Variants in SLC9B2 observed in about 807,000 individuals in gnomAD.
SLC9B2 encodes solute carrier family 9 member B2, also known as sodium/hydrogen exchanger 9B2.
SLC9B2 carries 39 observed loss-of-function variants against 52.2 expected under a neutral mutation model. The ratio of observed to expected loss-of-function variants is 0.75; its 90% CI spans 0.58 to 0.98. The LOEUF (loss-of-function observed/expected upper bound fraction) is 0.98. Among genes scored for constraint, SLC9B2 ranks in the 50% least tolerant of loss-of-function variants. SLC9B2 has a pLI of 0.00. For missense variants in SLC9B2, 626 were observed against 637.5 expected, an observed-to-expected ratio of 0.98 and a Z score of 0.19; for synonymous variants, 214 against 227.0, an observed-to-expected ratio of 0.94 and a Z score of 0.51.
chr4:103,056,204 A>T lies in SLC9B2; in HGVS notation c.442+1597T>A, dbSNP rs139042560. Among the ~76,000 whole-genome samples, 11 of 152,090 alleles carry T rather than the reference A, an allele frequency of 7.2e-5. No homozygotes were observed. In the East Asian group the frequency reaches 9.7e-4, roughly 13 times the overall value. ...TTTGGGCAGTTCTCATTGCCTCTGG[A>T]AGAGTATTTTCAGCTATGTCTTTAA... On this transcript the variant is annotated intron_variant, in intron 4 of 11. Coordinates refer to ENST00000394785, the MANE Select transcript of SLC9B2 (RefSeq NM_178833.7).
chr4:103,038,048 G>A (rs561904856), intron 9 of SLC9B2, among the ~76,000 whole-genome samples: 1 of 152,108 alleles, frequency 6.6e-6, no homozygotes, highest in Admixed American at 6.5e-5. Flanking sequence ...TTTTAGTAGA[G>A]ATGAGGTTTT....
chr4:103,065,575 C>T (rs1746049298), intron 3 of SLC9B2: 1 of 151,996 alleles, frequency 6.6e-6, no homozygotes, highest in Admixed American at 6.6e-5. Flanking sequence ...CCTAATTTGC[C>T]TTTATAGATA....
chr4:103,028,031 C>G (rs1742378384), intron 11 of SLC9B2, among the ~76,000 whole-genome samples: 1 of 152,110 alleles, frequency 6.6e-6, no homozygotes, highest in Non-Finnish European at 1.5e-5. Context: ...AAAGATACAT[C>G]ACATTTGCAA....
downstream of SLC9B2, among the ~76,000 whole-genome samples, chr4:103,019,261 G>A (rs1741607545): frequency 6.6e-6 from 1 of 152,172 alleles, no homozygotes; most frequent in South Asian, 2.1e-4. Flanking sequence ...TCCACCGTTT[G>A]TAAAATAGTA....
At chr4:103,045,823 A>G (rs1174732862) in intron 7 of SLC9B2, among the ~76,000 whole-genome samples, 1 of 152,234 alleles carries the variant, frequency 6.6e-6, no homozygotes, top group Non-Finnish European at 1.5e-5. Context: ...TGTCTAAGAT[A>G]GGACCTACAT....
At chr4:103,038,583 C>G (rs1743371339) in intron 9 of SLC9B2, among the ~76,000 whole-genome samples, 1 of 152,080 alleles carries the variant, frequency 6.6e-6, no homozygotes. Context: ...TGTGTTGTCC[C>G]TTGAAAATTA....
chr4:103,070,848 A>C (rs934057357), intron 1 of SLC9B2, among the ~76,000 whole-genome samples: 2 of 152,202 alleles, frequency 1.3e-5, no homozygotes, highest in African/African-American at 4.8e-5. Flanking sequence ...GATAGAGGCA[A>C]ATTGAGAGCA....
At chr4:103,019,541 G>T, downstream of SLC9B2, 1 of 979,332 alleles carries the variant, frequency 1.0e-6, no homozygotes, top group Non-Finnish European at 1.2e-6. Context: ...GATCGCGGCA[G>T]ACCCGGGACT....
intron 3 of SLC9B2, among the ~76,000 whole-genome samples, chr4:103,061,998 G>C (rs1745684953): frequency 6.6e-6 from 1 of 152,116 alleles, no homozygotes; most frequent in South Asian, 2.1e-4. Context: ...TTAGCTACAA[G>C]GGTTGAAATT....
chr4:103,050,177 A>G, intron 5 of SLC9B2, 63 bp downstream of exon 5: 1 of 1,399,710 alleles, frequency 7.1e-7, no homozygotes, highest in East Asian at 2.6e-5. Flanking sequence ...TGATTCTGTT[A>G]GATACCTGAA....
Position 103,057,798 on chromosome 4 carries a change from T to C in SLC9B2, c.442+3A>G. 2 of 1,612,572 alleles carry C rather than the reference T, an allele frequency of 1.2e-6. No individual in the cohort carries two copies. Among genetic ancestry groups the C allele is most frequent in the South Asian group, 2.2e-5 (2 of 90,622 alleles). On this transcript the variant is annotated splice_donor_region_variant and intron_variant, in intron 4 of 11. Coordinates refer to ENST00000394785, the MANE Select transcript of SLC9B2 (RefSeq NM_178833.7). ...GATAGAACAGGAAACATTTAGCACTTACCAAGAAGAGAAGGCAGTGGAGGC... is the reference window on the plus strand; with the variant it reads ...GATAGAACAGGAAACATTTAGCACTCACCAAGAAGAGAAGGCAGTGGAGGC...
intron 8 of SLC9B2, 37 bp from the exon 9 acceptor site, chr4:103,043,482 A>C (rs1334263461): frequency 1.3e-6 from 2 of 1,555,728 alleles, no homozygotes; most frequent in South Asian, 1.2e-5. Flanking sequence ...CAATTATTTC[A>C]AATCCCTGAT....
At position 103,048,875 on chromosome 4, in the gene SLC9B2, C is replaced by G. The variant is rs1744405276; in HGVS notation, c.713+18G>C. On this transcript the variant is annotated intron_variant, in intron 6 of 11. Coordinates refer to ENST00000394785, the MANE Select transcript of SLC9B2 (RefSeq NM_178833.7). ...AATGTCCCTACATATTTTCATATGA[C>G]AAAGAAACAATCATTACCCCAGTAT... The G allele has an allele frequency of 1.2e-6, 2 of 1,611,116 alleles. No individual in the cohort carries two copies. Among genetic ancestry groups the G allele is most frequent in the African/African-American group, 2.7e-5 (2 of 74,798 alleles).
downstream of SLC9B2, chr4:103,020,252 AGTTT>A (rs564097188): frequency 1.9e-4 from 66 of 349,090 alleles, no homozygotes; most frequent in East Asian, 4.2e-3. Flanking sequence ...AACCTTTGTG[AGTTT>A]TTTTTTTTTT....
chr4:103,036,583 T>C (rs1296277299), intron 9 of SLC9B2, among the ~76,000 whole-genome samples: 1 of 141,430 alleles, frequency 7.1e-6, no homozygotes, highest in Non-Finnish European at 1.5e-5. Context: ...GAAGAAGAGA[T>C]ACAAATAGTC....
intron 9 of SLC9B2, among the ~76,000 whole-genome samples, chr4:103,035,678 G>A (rs1196157434): frequency 6.6e-6 from 1 of 152,142 alleles, no homozygotes; most frequent in East Asian, 1.9e-4. Context: ...TACACTGCTG[G>A]TGGGAATGTA....
At chr4:103,047,892 T>C (rs1744313463) in intron 6 of SLC9B2, among the ~76,000 whole-genome samples, 1 of 152,322 alleles carries the variant, frequency 6.6e-6, no homozygotes, top group African/African-American at 2.4e-5. Flanking sequence ...AATGTAGCCA[T>C]AGACAACTTG....
intron 9 of SLC9B2, among the ~76,000 whole-genome samples, chr4:103,032,640 C>A (rs1742806477): frequency 6.6e-6 from 1 of 152,146 alleles, no homozygotes; most frequent in Non-Finnish European, 1.5e-5. Flanking sequence ...TAGGTTCCTG[C>A]ATCCCAGGTG....
At chr4:103,073,586 C>T (rs139703057) in intron 1 of SLC9B2, among the ~76,000 whole-genome samples, 78 of 152,290 alleles carry the variant, frequency 5.1e-4, no homozygotes, top group African/African-American at 1.5e-3. Flanking sequence ...GTGTCAAATA[C>T]ATGTGGCCAA....
Sources: allele counts gnomAD v4.1 joint callset (sites outside exome capture counted in the v4.1 genomes callset), GRCh38; gene constraint gnomAD v4.1.1; transcripts MANE v1.5; gene names NCBI Gene and HGNC (gene_info 2026-07-23, HGNC 2026-07-21).